The following GRAP2 variants were observed in gnomAD, a reference collection of about 807,000 sequenced individuals.
The protein encoded by GRAP2 is GRB2-related adapter protein 2.
In GRAP2, 31 loss-of-function variants were observed where a neutral mutation model predicts 43.5. The ratio of observed to expected loss-of-function variants is 0.71; its 90% confidence interval spans 0.54 to 0.96. The LOEUF (loss-of-function observed/expected upper bound fraction) is 0.96. Ranked by LOEUF, GRAP2 falls within the 40% of genes least tolerant of loss-of-function variation. The probability of loss-of-function intolerance (pLI) is 0.00; values close to 1 mark genes in which losing one functional copy is unlikely to be tolerated. For synonymous variants in GRAP2, 156 were observed against 164.8 expected (o/e 0.95, Z 0.41); for missense variants, 371 against 424.4 (o/e 0.87, Z 1.11).
intron 1 of GRAP2, among the ~76,000 whole-genome samples, chr22:39,914,056 C>A (rs748345759): frequency 6.6e-6 from 1 of 152,128 alleles, no homozygotes; most frequent in Non-Finnish European, 1.5e-5. Flanking sequence ...GAGTCTCTCC[C>A]TGACCTTTTA....
At chr22:39,958,792 AGT>A (rs1482886839) in intron 3 of GRAP2, among the ~76,000 whole-genome samples, 1 of 152,058 alleles carries the variant, frequency 6.6e-6, no homozygotes, top group African/African-American at 2.4e-5. Flanking sequence ...CACACGTGGC[AGT>A]GGTGTGTGTG....
intron 1 of GRAP2, among the ~76,000 whole-genome samples, chr22:39,939,554 T>TC (rs1015988020): frequency 1.2e-5 from 1 of 81,114 alleles, no homozygotes; most frequent in African/African-American, 5.7e-5. Context: ...AGAGTGAGAC[T>TC]CCGTCTCAAA....
At chr22:39,896,657 C>T (rs1270987054), upstream of GRAP2, among the ~76,000 whole-genome samples, 2 of 152,100 alleles carry the variant, frequency 1.3e-5, no homozygotes, top group Admixed American at 6.5e-5. Context: ...AGATTAAAGA[C>T]TGAAGTCCCA....
At chr22:39,912,593 G>A (rs1041061907) in intron 1 of GRAP2, among the ~76,000 whole-genome samples, 2 of 152,156 alleles carry the variant, frequency 1.3e-5, no homozygotes, top group Non-Finnish European at 2.9e-5. Flanking sequence ...CAATGCACAG[G>A]ATGGGCCCCC....
chr22:39,927,259 C>T (rs1423739052), intron 1 of GRAP2, among the ~76,000 whole-genome samples: 3 of 152,168 alleles, frequency 2.0e-5, no homozygotes, highest in African/African-American at 2.4e-5. Flanking sequence ...CCCATCCTCT[C>T]GGCCCGCCGG....
At chr22:39,909,891 C>T (rs963589879) in intron 1 of GRAP2, among the ~76,000 whole-genome samples, 28 of 152,288 alleles carry the variant, frequency 1.8e-4, no homozygotes, top group African/African-American at 6.7e-4. Flanking sequence ...GTCTTCTTTG[C>T]TGAAGATCTG....
intron 1 of GRAP2, among the ~76,000 whole-genome samples, chr22:39,908,992 C>T (rs986016438): frequency 1.2e-4 from 19 of 152,192 alleles, no homozygotes; most frequent in African/African-American, 4.3e-4. Context: ...GCCTCATCGA[C>T]TCCTCTGTCC....
the GRAP2 span, among the ~76,000 whole-genome samples, chr22:39,894,964 G>C: frequency 6.6e-6 from 1 of 152,204 alleles, no homozygotes; most frequent in Admixed American, 6.5e-5. Context: ...AGACAAAGTA[G>C]AGGAGGACGT....
In GRAP2 at chr22:39,918,541, A is replaced by G. The variant is rs56374200; in HGVS notation, c.-15+17211A>G. ...ATAACATTTTCCCTTAATTGAAAAA[A>G]TATTTCTGACCTGAATTTATTATTG... is the stretch of plus-strand genomic sequence containing the variant. On this transcript the variant is annotated intron_variant, in intron 1 of 7. Transcript: ENST00000344138. 6.5e-3 allele frequency among the ~76,000 whole-genome samples: 994 copies of G among 152,348 alleles called. 14 individuals carry two copies. The highest frequency in any genetic ancestry group is 0.023 in the African/African-American group (949 of 41,568).
chr22:39,966,183 C>T (rs376214658), intron 5 of GRAP2, 25 bp downstream of exon 5: 1 of 1,600,610 alleles, frequency 6.2e-7, no homozygotes, highest in Non-Finnish European at 8.6e-7. Context: ...CAGTCGACCC[C>T]AATCTAGAGA....
chr22:39,914,493 C>T (rs890039395), intron 1 of GRAP2, among the ~76,000 whole-genome samples: 10 of 152,022 alleles, frequency 6.6e-5, no homozygotes, highest in Non-Finnish European at 1.0e-4. Flanking sequence ...TTTTTCATTT[C>T]GAATGAGCTG....
intron 1 of GRAP2, among the ~76,000 whole-genome samples, chr22:39,903,393 T>C (rs576306170): frequency 6.6e-6 from 1 of 151,788 alleles, no homozygotes; most frequent in East Asian, 1.9e-4. Context: ...CTCATGCTTA[T>C]AATCCTAGCA....
intron 1 of GRAP2, among the ~76,000 whole-genome samples, chr22:39,909,601 C>A (rs537615610): frequency 4.6e-5 from 7 of 152,112 alleles, no homozygotes; most frequent in Admixed American, 2.0e-4. Context: ...GGTATGCAGA[C>A]GTACTGAGAA....
chr22:39,954,354 C>G (rs1312257191), intron 2 of GRAP2, among the ~76,000 whole-genome samples: 1 of 152,136 alleles, frequency 6.6e-6, no homozygotes, highest in African/African-American at 2.4e-5. Flanking sequence ...TTTTGCTCTG[C>G]TATCCTTATT....
intron 1 of GRAP2, among the ~76,000 whole-genome samples, chr22:39,929,102 A>G (rs911544100): frequency 6.6e-6 from 1 of 152,222 alleles, no homozygotes; most frequent in Non-Finnish European, 1.5e-5. Context: ...CCTGCTAGGA[A>G]GTTGTAAAAG....
chr22:39,948,649 A>T (rs1020613447), intron 2 of GRAP2, among the ~76,000 whole-genome samples: 3 of 151,568 alleles, frequency 2.0e-5, no homozygotes, highest in Non-Finnish European at 4.4e-5. Flanking sequence ...CTCACTTCCC[A>T]CTCATTCCAC....
At chr22:39,907,328 G>A (rs1303573096) in intron 1 of GRAP2, among the ~76,000 whole-genome samples, 1 of 152,124 alleles carries the variant, frequency 6.6e-6, no homozygotes, top group South Asian at 2.1e-4. Flanking sequence ...CTTATCCTAC[G>A]CAACTTTGTA....
chr22:39,934,747 T>C (rs1420432600), intron 1 of GRAP2, among the ~76,000 whole-genome samples: 1 of 152,134 alleles, frequency 6.6e-6, no homozygotes, highest in Non-Finnish European at 1.5e-5. Flanking sequence ...GGCACACGAT[T>C]GTAGCCCCAG....
At chr22:39,923,964 A>C (rs538615390) in intron 1 of GRAP2, among the ~76,000 whole-genome samples, 14 of 152,312 alleles carry the variant, frequency 9.2e-5, no homozygotes, top group Admixed American at 6.5e-4. Context: ...TCTTTTATGA[A>C]AAATCCCACG....
Sources: gnomAD v4.1 joint callset for allele counts (sites outside exome capture counted in the v4.1 genomes callset) on GRCh38, gnomAD v4.1.1 for gene constraint, MANE v1.5 for transcripts, NCBI Gene and HGNC (gene_info 2026-07-23, HGNC 2026-07-21) for gene names.